Variants in HPSE2 observed in about 807,000 individuals in gnomAD.
HPSE2 encodes the protein heparanase 2 (inactive), also known as inactive heparanase-2.
A neutral mutation model predicts 60.5 loss-of-function variants in HPSE2; 38 were observed. That is an observed-to-expected ratio of 0.63 (90% CI 0.48 to 0.82). The LOEUF (loss-of-function observed/expected upper bound fraction) is 0.82. Ranked by LOEUF, HPSE2 falls within the 40% of genes least tolerant of loss-of-function variation. The probability of loss-of-function intolerance (pLI) is 0.00; values close to 1 mark genes in which losing one functional copy is unlikely to be tolerated. For synonymous variants in HPSE2, 295 were observed against 293.2 expected, an observed-to-expected ratio of 1.01 and a Z score of -0.06; for missense variants, 713 against 740.4, an observed-to-expected ratio of 0.96 and a Z score of 0.43.
rs1474578682 is a variant in HPSE2 at position 98,457,475 on chromosome 10, C to G, written c.*2099G>C. 1 of 152,204 alleles carries G rather than the reference C, an allele frequency of 6.6e-6. No individual in the cohort carries two copies. The highest frequency in any genetic ancestry group is 1.5e-5 in the Non-Finnish European group (1 of 68,056). 9.4% of individuals were successfully genotyped at this position (152,204 alleles called of 1,614,324 possible). The stretch of plus-strand genomic sequence containing the variant: ...CTTTATCATGGGGTTACTAAGGACG[C>G]AAAGCAAACCATAGGTCCCCAGGGC... On this transcript the variant is annotated 3_prime_UTR_variant, in exon 12 of 12. Transcript: ENST00000370552.
intron 3 of HPSE2, among the ~76,000 whole-genome samples, chr10:98,875,540 C>G (rs1350075570): frequency 6.6e-6 from 1 of 151,708 alleles, no homozygotes; most frequent in Non-Finnish European, 1.5e-5. Context: ...AATTAATAGC[C>G]TACCAACCAA....
At chr10:99,162,033 G>A (rs146496788) in intron 2 of HPSE2, among the ~76,000 whole-genome samples, 3 of 152,096 alleles carry the variant, frequency 2.0e-5, no homozygotes, top group Non-Finnish European at 4.4e-5. Context: ...AGGAGAATGG[G>A]TATGAAGAGT....
intron 7 of HPSE2, among the ~76,000 whole-genome samples, chr10:98,634,872 G>T (rs904568593): frequency 6.6e-5 from 10 of 152,158 alleles, no homozygotes; most frequent in Admixed American, 2.6e-4. Context: ...ACCCTAAGAA[G>T]AACTGTATAA....
the HPSE2 span, among the ~76,000 whole-genome samples, chr10:99,293,055 T>C: frequency 3.9e-5 from 6 of 152,154 alleles, no homozygotes; most frequent in Non-Finnish European, 7.3e-5. Context: ...GGGCCAAAAG[T>C]TCTATGGTTT....
At chr10:99,261,773 C>A in the HPSE2 span, among the ~76,000 whole-genome samples, 3 of 152,182 alleles carry the variant, frequency 2.0e-5, no homozygotes, top group Non-Finnish European at 4.4e-5. Context: ...AGAAAAACCC[C>A]AGCCACATCT....
intron 3 of HPSE2, among the ~76,000 whole-genome samples, chr10:99,009,236 T>C (rs1383315142): frequency 2.8e-5 from 2 of 71,300 alleles, no homozygotes; most frequent in Non-Finnish European, 5.0e-5. Context: ...AGGCCCAGTG[T>C]CTACAAAAAA....
intron 9 of HPSE2, among the ~76,000 whole-genome samples, chr10:98,551,016 C>A (rs567157034): frequency 6.6e-6 from 1 of 151,986 alleles, no homozygotes; most frequent in Non-Finnish European, 1.5e-5. Flanking sequence ...ACAAAGGCAT[C>A]AAACAGTATA....
At chr10:99,312,101 C>T in the HPSE2 span, among the ~76,000 whole-genome samples, 1 of 152,038 alleles carries the variant, frequency 6.6e-6, no homozygotes, top group South Asian at 2.1e-4. Context: ...GTGTGGTTCA[C>T]GAGGTTTAAG....
chr10:99,043,090 C>G (rs539897734), intron 3 of HPSE2, among the ~76,000 whole-genome samples: 75 of 152,236 alleles, frequency 4.9e-4, no homozygotes, highest in Admixed American at 4.8e-3. Context: ...GGACACCGAC[C>G]CTCCGAAATA....
intron 3 of HPSE2, among the ~76,000 whole-genome samples, chr10:98,960,730 T>TTTTTG (rs1955647062): frequency 8.1e-5 from 2 of 24,794 alleles, no homozygotes; most frequent in Non-Finnish European, 9.1e-5. Flanking sequence ...TGTTTTATTT[T>TTTTTG]TTTTATTTTA....
At chr10:98,832,716 T>C (rs1179246321) in intron 3 of HPSE2, among the ~76,000 whole-genome samples, 2 of 152,160 alleles carry the variant, frequency 1.3e-5, no homozygotes, top group African/African-American at 4.8e-5. Flanking sequence ...CAGTGCAATG[T>C]ATTTAGATAA....
At chr10:98,582,347 T>C (rs1162320338) in intron 9 of HPSE2, among the ~76,000 whole-genome samples, 6 of 152,222 alleles carry the variant, frequency 3.9e-5, no homozygotes, top group African/African-American at 1.4e-4. Flanking sequence ...CTCTTTTAAA[T>C]TGTCAACTGT....
chr10:99,168,267 T>G (rs1418678814), intron 2 of HPSE2, among the ~76,000 whole-genome samples: 1 of 152,248 alleles, frequency 6.6e-6, no homozygotes, highest in Non-Finnish European at 1.5e-5. Context: ...TAATTTCCTC[T>G]ATTAAAATTT....
intron 3 of HPSE2, among the ~76,000 whole-genome samples, chr10:98,925,442 C>G (rs1590088175): frequency 6.6e-6 from 1 of 151,736 alleles, no homozygotes; most frequent in East Asian, 1.9e-4. Flanking sequence ...TGTCAAAGTC[C>G]AGGTTGCCCA....
intron 9 of HPSE2, among the ~76,000 whole-genome samples, chr10:98,543,230 G>A (rs372944975): frequency 5.3e-5 from 8 of 152,050 alleles, no homozygotes; most frequent in African/African-American, 1.7e-4. Context: ...GCCAAACTAA[G>A]CTTCATAAGT....
At chr10:98,641,738 T>C (rs1413739100) in intron 7 of HPSE2, 109 bp downstream of exon 7, 2 of 847,774 alleles carry the variant, frequency 2.4e-6, no homozygotes, top group Admixed American at 3.4e-5. Context: ...TATTTTCCTA[T>C]TTTTCTACTC....
intron 9 of HPSE2, among the ~76,000 whole-genome samples, chr10:98,511,555 G>GGTGTGTGTGTGTGT (rs6144045): frequency 1.0e-3 from 141 of 140,818 alleles, no homozygotes; most frequent in East Asian, 4.9e-3. Context: ...ACATAACTAT[G>GGTGTGTGTGTGTGT]GTGTGTGTGT....
chr10:99,018,683 C>T (rs1009223030), intron 3 of HPSE2, among the ~76,000 whole-genome samples: 1 of 152,072 alleles, frequency 6.6e-6, no homozygotes, highest in Non-Finnish European at 1.5e-5. Flanking sequence ...TCTGGGAATG[C>T]TCAATATGAC....
intron 9 of HPSE2, among the ~76,000 whole-genome samples, chr10:98,542,088 A>C (rs945821832): frequency 6.6e-6 from 1 of 151,804 alleles, no homozygotes; most frequent in Non-Finnish European, 1.5e-5. Context: ...CAGTAGGGGC[A>C]GACTGACACC....
Sources: allele counts gnomAD v4.1 joint callset (sites outside exome capture counted in the v4.1 genomes callset), GRCh38; gene constraint gnomAD v4.1.1; transcripts MANE v1.5; gene names NCBI Gene and HGNC (gene_info 2026-07-23, HGNC 2026-07-21).